Variants in AGPAT3 observed in about 807,000 individuals in gnomAD.
The protein encoded by AGPAT3 is 1-acylglycerol-3-phosphate O-acyltransferase 3.
A neutral mutation model predicts 47.3 loss-of-function variants in AGPAT3; 5 were observed. The observed-to-expected ratio is 0.11, with a 90% CI of 0.06 to 0.22. AGPAT3 has a LOEUF of 0.22. Ranked by LOEUF, AGPAT3 falls within the 10% of genes least tolerant of loss-of-function variation. The pLI, the probability that AGPAT3 is intolerant of heterozygous loss-of-function variation, is 1.00. For missense variants in AGPAT3, 315 were observed against 493.0 expected (o/e 0.64, Z 3.42); for synonymous variants, 212 against 208.3 (o/e 1.02, Z -0.15).
chr21:43,883,291 G>A (rs988921661), intron 1 of AGPAT3, among the ~76,000 whole-genome samples: 43 of 152,188 alleles, frequency 2.8e-4, no homozygotes, highest in African/African-American at 1.0e-3. Context: ...AGAGTCCATG[G>A]TGCTGTGGCC....
chr21:43,968,523 C>CT (rs1359994099), intron 4 of AGPAT3, among the ~76,000 whole-genome samples: 10 of 151,728 alleles, frequency 6.6e-5, no homozygotes, highest in Non-Finnish European at 1.3e-4. Context: ...AGGGAAAGGG[C>CT]TAGGGGAGCA....
At chr21:43,918,696 C>T (rs2086818826) in intron 2 of AGPAT3, among the ~76,000 whole-genome samples, 1 of 151,766 alleles carries the variant, frequency 6.6e-6, no homozygotes, top group Non-Finnish European at 1.5e-5. Flanking sequence ...CAGTGATTCT[C>T]CTCCTGAGTA....
chr21:43,969,203 A>G lies in AGPAT3; in HGVS notation c.434A>G (p.Lys145Arg), dbSNP rs1297177950. ...TWYFLEIVFCKRKWEEDRDTV... is the reference protein window; with the variant it reads ...TWYFLEIVFCRRKWEEDRDTV... The stretch of plus-strand genomic sequence containing the variant: ...TACTTTCTGGAGATTGTGTTCTGCA[A>G]GCGGAAGTGGGAGGAGGACCGGGAC... Residue 145 changes from lysine to arginine, a missense_variant, in exon 5 of 10, where the codon AAG (lysine) becomes AGG (arginine). Transcript: ENST00000291572. 1 of 1,614,184 alleles carries G rather than the reference A, an allele frequency of 6.2e-7. No homozygotes were observed.
intron 1 of AGPAT3, among the ~76,000 whole-genome samples, chr21:43,887,695 C>T (rs9976254): frequency 0.019 from 2,838 of 152,356 alleles, 76 homozygotes; most frequent in African/African-American, 0.065. Flanking sequence ...CGCTCTGTCA[C>T]GCAGGCTGGA....
intron 2 of AGPAT3, among the ~76,000 whole-genome samples, chr21:43,959,021 A>G (rs1218741603): frequency 4.8e-5 from 3 of 62,036 alleles, no homozygotes; most frequent in African/African-American, 1.4e-4. Context: ...TGTGGTTTGC[A>G]GTGTGGTGTG....
At position 43,879,294 on chromosome 21, in the gene AGPAT3, G is replaced by A. The variant is rs150792113; in HGVS notation, c.-112+13949G>A. 1.1e-4 allele frequency among the ~76,000 whole-genome samples: 17 copies of A among 148,048 alleles called. No homozygotes were observed. The East Asian group carries it at 3.0e-3, about 26-fold the overall frequency. ...GAACCCAGGAGGTGGAGGTTGCAGT[G>A]CGCTGAGATTGTGCCACTGCACTCC... On this transcript the variant is annotated intron_variant, in intron 1 of 9. Coordinates refer to ENST00000291572, the MANE Select transcript of AGPAT3 (RefSeq NM_020132.5).
In AGPAT3 at chr21:43,920,218, T is replaced by TGTGA. The variant is rs57641344; in HGVS notation, c.-49+16202_-49+16203insAGTG. ...TCATGTCTTCAGCCCTGTGTGTGTG[T>TGTGA]GTGTGAGAGATTGTGAGTGAGTGTG... On this transcript the variant is annotated intron_variant, in intron 2 of 9. Coordinates refer to ENST00000291572, the MANE Select transcript of AGPAT3 (RefSeq NM_020132.5). The surrounding 1 kb of genome is among the most constrained non-coding windows in gnomAD (Gnocchi z 6.1). 0.75 allele frequency among the ~76,000 whole-genome samples: 113,150 copies of TGTGA among 151,154 alleles called. 42,440 individuals are homozygous for TGTGA. The highest frequency in any genetic ancestry group is 0.83 in the Admixed American group (12,598 of 15,226).
chr21:43,973,281 G>A (rs1353217226), intron 7 of AGPAT3, among the ~76,000 whole-genome samples: 1 of 152,250 alleles, frequency 6.6e-6, no homozygotes, highest in Non-Finnish European at 1.5e-5. Flanking sequence ...TGGAGGCTGC[G>A]GTGACTGACC....
intron 1 of AGPAT3, among the ~76,000 whole-genome samples, chr21:43,868,447 G>A (rs1372940280): frequency 6.6e-6 from 1 of 152,154 alleles, no homozygotes; most frequent in African/African-American, 2.4e-5. Flanking sequence ...GGGACAGTGT[G>A]CCTGCAGCCC....
intron 2 of AGPAT3, among the ~76,000 whole-genome samples, chr21:43,927,089 T>G (rs2087082147): frequency 6.6e-6 from 1 of 151,748 alleles, no homozygotes. Context: ...ATTACAGGCA[T>G]GAGCCACCAG....
rs911655886 is a variant in AGPAT3, at chr21:43,952,163, G to A, written c.-48-7471G>A. 2.1e-4 allele frequency among the ~76,000 whole-genome samples: 32 copies of A among 152,110 alleles called. No homozygotes were observed. Among genetic ancestry groups the A allele is most frequent in the East Asian group, 1.9e-4 (1 of 5,176 alleles). ...TGGGCTGTGTGACGGCACCAGAGGC[G>A]GGGCTGCAGCTGCAGGCTTTTGTCG... On this transcript the variant is annotated intron_variant, in intron 2 of 9. Coordinates refer to ENST00000291572, the MANE Select transcript of AGPAT3 (RefSeq NM_020132.5). This position sits in a 1 kb window ranked among gnomAD's most constrained non-coding sequence, Gnocchi z 5.6.
In AGPAT3 at chr21:43,981,466, T is replaced by A; in HGVS notation, c.1042+279T>A. 2 of 510,436 alleles carry A rather than the reference T, an allele frequency of 3.9e-6. No homozygotes were observed. The highest frequency in any genetic ancestry group is 4.4e-5 in the South Asian group (2 of 45,452). The allele number at this position is 510,436 out of a possible 1,614,324, so 31.6% of individuals were successfully genotyped here. A position where few individuals can be genotyped will look rare whatever the true frequency, so the allele number is the denominator to read the frequency against. On this transcript the variant is annotated intron_variant, in intron 9 of 9. Coordinates refer to ENST00000291572, the MANE Select transcript of AGPAT3 (RefSeq NM_020132.5). This position sits in a 1 kb window ranked among gnomAD's most constrained non-coding sequence, Gnocchi z 5.3. ...GCCCTTGAGGATGCCGACGAGAGGGTCCCCGAGAGGGTCCCCAGCCCCCCT... is the reference window on the plus strand; with the variant it reads ...GCCCTTGAGGATGCCGACGAGAGGGACCCCGAGAGGGTCCCCAGCCCCCCT...
intron 2 of AGPAT3, among the ~76,000 whole-genome samples, chr21:43,904,922 G>C (rs932577003): frequency 1.3e-5 from 2 of 152,126 alleles, no homozygotes; most frequent in Admixed American, 1.3e-4. Flanking sequence ...TTCTTGGTAG[G>C]CAGGTGATTT....
intron 2 of AGPAT3, among the ~76,000 whole-genome samples, chr21:43,918,751 A>AT (rs1006462469): frequency 6.6e-6 from 1 of 151,948 alleles, no homozygotes; most frequent in Non-Finnish European, 1.5e-5. Flanking sequence ...TAATTTTTCT[A>AT]TTTTTAGTAG....
At chr21:43,871,424 A>T (rs547055917) in intron 1 of AGPAT3, among the ~76,000 whole-genome samples, 34 of 152,252 alleles carry the variant, frequency 2.2e-4, no homozygotes, top group Middle Eastern at 3.2e-3. Flanking sequence ...ATCTATGCAA[A>T]GATAAAGCCT....
chr21:43,889,137 C>T (rs1021113739), intron 1 of AGPAT3, among the ~76,000 whole-genome samples: 2 of 152,132 alleles, frequency 1.3e-5, no homozygotes, highest in African/African-American at 4.8e-5. Flanking sequence ...CCTTTTCAGT[C>T]CTTAGATTTC....
Position 43,880,797 on chromosome 21 carries a change from G to A in AGPAT3, c.-112+15452G>A, listed in dbSNP as rs1206214254. 1.3e-5 allele frequency among the ~76,000 whole-genome samples: 2 copies of A among 152,212 alleles called. No homozygotes were observed. Among genetic ancestry groups the A allele is most frequent in the African/African-American group, 4.8e-5 (2 of 41,448 alleles). On this transcript the variant is annotated intron_variant, in intron 1 of 9. Transcript: ENST00000291572. The surrounding 1 kb of genome is among the most constrained non-coding windows in gnomAD (Gnocchi z 4.5). ...CTGCTCACTGGCATTAAGTGGGCAG[G>A]CGGCTTATTGCTGAGTGATGGTCCC...
chr21:43,910,485 ACAGGTGAATT>A (rs948273891), intron 2 of AGPAT3, among the ~76,000 whole-genome samples: 1 of 152,192 alleles, frequency 6.6e-6, no homozygotes, highest in Non-Finnish European at 1.5e-5. Context: ...TTAGGTGAAT[ACAGGTGAATT>A]AGTCCTAATT....
chr21:43,882,080 C>T (rs1285650303), intron 1 of AGPAT3, among the ~76,000 whole-genome samples: 2 of 152,282 alleles, frequency 1.3e-5, no homozygotes, highest in Non-Finnish European at 2.9e-5. Context: ...GGTCCAGGGT[C>T]TAAGCCACTG....
Sources: allele counts gnomAD v4.1 joint callset (sites outside exome capture counted in the v4.1 genomes callset), GRCh38; gene constraint gnomAD v4.1.1; non-coding constraint Gnocchi (gnomAD v3.1); transcripts MANE v1.5; gene names NCBI Gene and HGNC (gene_info 2026-07-23, HGNC 2026-07-21).